Variants in CNTN5 observed in about 807,000 individuals in gnomAD.
CNTN5 encodes contactin 5, also known as contactin-5.
CNTN5 carries 77 observed loss-of-function variants against 129.1 expected under a neutral mutation model. The ratio of observed to expected loss-of-function variants is 0.60; its 90% confidence interval spans 0.50 to 0.72. The LOEUF (loss-of-function observed/expected upper bound fraction) is 0.72, where lower values mean the gene tolerates loss of function less well. Ranked by LOEUF, CNTN5 falls within the 30% of genes least tolerant of loss-of-function variation. CNTN5 has a pLI of 0.00. For synonymous variants in CNTN5, 509 were observed against 465.6 expected, an observed-to-expected ratio of 1.09 and a Z score of -1.20; for missense variants, 1,478 against 1,328.8, an observed-to-expected ratio of 1.11 and a Z score of -1.75.
intron 2 of CNTN5, among the ~76,000 whole-genome samples, chr11:99,446,802 A>G (rs1198418012): frequency 6.6e-6 from 1 of 152,154 alleles, no homozygotes; most frequent in Non-Finnish European, 1.5e-5. Flanking sequence ...AGTCAATACA[A>G]TTTAGGCTAG....
intron 13 of CNTN5, among the ~76,000 whole-genome samples, chr11:100,080,745 CT>C (rs1266433734): frequency 6.6e-6 from 1 of 151,994 alleles, no homozygotes; most frequent in African/African-American, 2.4e-5. Flanking sequence ...ACAATATAAA[CT>C]TTAAGTATCT....
intron 1 of CNTN5, among the ~76,000 whole-genome samples, chr11:99,130,224 A>C (rs1007025131): frequency 6.6e-6 from 1 of 152,222 alleles, no homozygotes; most frequent in Admixed American, 6.5e-5. Flanking sequence ...GACACATCTC[A>C]TGTGCAGAGA....
At chr11:99,074,110 G>C (rs1865460029) in intron 1 of CNTN5, among the ~76,000 whole-genome samples, 1 of 151,990 alleles carries the variant, frequency 6.6e-6, no homozygotes, top group African/African-American at 2.4e-5. Context: ...GTTTTGATTT[G>C]TATTTCTCTA....
intron 3 of CNTN5, among the ~76,000 whole-genome samples, chr11:99,639,158 G>T (rs190558774): frequency 6.6e-6 from 1 of 152,280 alleles, no homozygotes; most frequent in Non-Finnish European, 1.5e-5. Flanking sequence ...CCAAGGCTTG[G>T]GGCTTCCACC....
intron 1 of CNTN5, among the ~76,000 whole-genome samples, chr11:99,026,297 C>T (rs377519172): frequency 9.2e-5 from 14 of 151,532 alleles, no homozygotes; most frequent in African/African-American, 2.9e-4. Context: ...CCTTCTTCTT[C>T]ATATTCTTTT....
chr11:99,504,709 A>C (rs1029464429), intron 2 of CNTN5, among the ~76,000 whole-genome samples: 5 of 152,076 alleles, frequency 3.3e-5, no homozygotes, highest in African/African-American at 1.2e-4. Flanking sequence ...AATTGTTAGA[A>C]AGTCGTTCTT....
chr11:99,980,250 A>G lies in CNTN5; in HGVS notation c.878-21784A>G, dbSNP rs559132192. Among the ~76,000 whole-genome samples the G allele has an allele frequency of 7.9e-5, 12 of 152,338 alleles. No homozygotes were observed. In the East Asian group the frequency reaches 1.9e-3, roughly 24 times the overall value. On this transcript the variant is annotated intron_variant, in intron 8 of 24. Transcript: ENST00000524871. Reference sequence around the variant, plus strand: ...AATTACCAGCTATATTTTAAAAATCATAATACAACTAGAAGCAACAAGACT... The same window carrying G: ...AATTACCAGCTATATTTTAAAAATCGTAATACAACTAGAAGCAACAAGACT...
chr11:99,573,341 C>G lies in CNTN5; in HGVS notation c.55+17072C>G, dbSNP rs556093377. Among the ~76,000 whole-genome samples the G allele has an allele frequency of 5.3e-5, 8 of 152,000 alleles. No individual in the cohort carries two copies. In the South Asian group the frequency reaches 8.3e-4, roughly 16 times the overall value. On this transcript the variant is annotated intron_variant, in intron 3 of 24. Coordinates refer to ENST00000524871, the MANE Select transcript of CNTN5 (RefSeq NM_014361.4). ...ATCCCAGCACTTTGGGCGGCCTAGGCGGGCGGATCACGAGGTCAGCAGATC... is the reference window on the plus strand; with the variant it reads ...ATCCCAGCACTTTGGGCGGCCTAGGGGGGCGGATCACGAGGTCAGCAGATC...
intron 1 of CNTN5, among the ~76,000 whole-genome samples, chr11:99,275,730 C>A (rs1241406591): frequency 1.3e-5 from 2 of 151,562 alleles, no homozygotes; most frequent in Non-Finnish European, 3.0e-5. Context: ...CATCACTCAG[C>A]AGGTTAGAAT....
intron 1 of CNTN5, among the ~76,000 whole-genome samples, chr11:99,158,473 G>C (rs1860440259): frequency 1.3e-5 from 2 of 152,072 alleles, no homozygotes; most frequent in Admixed American, 1.3e-4. Flanking sequence ...TTTAGAAAAT[G>C]CCTTTGAGAT....
At chr11:99,450,633 C>A (rs894971481) in intron 2 of CNTN5, among the ~76,000 whole-genome samples, 21 of 152,180 alleles carry the variant, frequency 1.4e-4, no homozygotes, top group African/African-American at 5.1e-4. Flanking sequence ...CCTAACTAAA[C>A]CCAGTCCAGA....
chr11:100,308,227 G>T, intron 20 of CNTN5, 132 bp from the exon 21 acceptor site: 2 of 718,490 alleles, frequency 2.8e-6, no homozygotes, highest in Middle Eastern at 2.5e-4. Flanking sequence ...ATATTTTGTT[G>T]TGTTTTTTAT....
chr11:99,611,161 C>T (rs1156313580), intron 3 of CNTN5, among the ~76,000 whole-genome samples: 1 of 152,160 alleles, frequency 6.6e-6, no homozygotes, highest in African/African-American at 2.4e-5. Flanking sequence ...GCTGCTGTAC[C>T]TTCATACATC....
intron 6 of CNTN5, among the ~76,000 whole-genome samples, chr11:99,911,722 A>T (rs1007875715): frequency 1.4e-5 from 2 of 143,286 alleles, no homozygotes; most frequent in African/African-American, 5.2e-5. Context: ...TACCTACTCA[A>T]CATGTCTCAG....
At chr11:100,235,537 C>T (rs1242340717) in intron 16 of CNTN5, among the ~76,000 whole-genome samples, 2 of 151,986 alleles carry the variant, frequency 1.3e-5, no homozygotes, top group Non-Finnish European at 2.9e-5. Context: ...AGAGCAGGGC[C>T]AAAGCAGCCC....
chr11:99,316,236 A>T (rs187567083), intron 1 of CNTN5, among the ~76,000 whole-genome samples: 1 of 152,178 alleles, frequency 6.6e-6, no homozygotes, highest in East Asian at 1.9e-4. Context: ...ACTACAAATC[A>T]TAAGGCAATT....
chr11:99,735,390 A>G (rs1265031047), intron 3 of CNTN5, among the ~76,000 whole-genome samples: 6 of 152,206 alleles, frequency 3.9e-5, no homozygotes, highest in Non-Finnish European at 8.8e-5. Flanking sequence ...AGTAGAAGGT[A>G]TATGTTTATT....
At chr11:99,382,844 ACTTTTTT>A (rs1940662985) in intron 2 of CNTN5, among the ~76,000 whole-genome samples, 1 of 69,402 alleles carries the variant, frequency 1.4e-5, no homozygotes, top group Non-Finnish European at 2.4e-5. Context: ...TCTCTAAATA[ACTTTTTT>A]TTTTTTTTTT....
intron 2 of CNTN5, among the ~76,000 whole-genome samples, chr11:99,360,914 G>A (rs1425448188): frequency 2.6e-5 from 4 of 151,804 alleles, no homozygotes; most frequent in Non-Finnish European, 5.9e-5. Flanking sequence ...CTCATTTTAC[G>A]ATAAGCAGTC....
Sources: gnomAD v4.1 joint callset for allele counts (sites outside exome capture counted in the v4.1 genomes callset) on GRCh38, gnomAD v4.1.1 for gene constraint, MANE v1.5 for transcripts, NCBI Gene and HGNC (gene_info 2026-07-23, HGNC 2026-07-21) for gene names.